The following PRMT2 variants were observed in gnomAD, a reference collection of about 807,000 sequenced individuals.
The protein encoded by PRMT2 is protein arginine methyltransferase 2, also known as protein arginine N-methyltransferase 2.
A neutral mutation model predicts 57.6 loss-of-function variants in PRMT2; 26 were observed. The observed-to-expected ratio is 0.45, with a 90% CI of 0.33 to 0.63. The LOEUF (loss-of-function observed/expected upper bound fraction) is 0.63. PRMT2 is among the 20% of genes least tolerant of loss of function. PRMT2 has a pLI of 0.02. For synonymous variants in PRMT2, 219 were observed against 220.0 expected, an observed-to-expected ratio of 1.00 and a Z score of 0.04; for missense variants, 472 against 564.4, an observed-to-expected ratio of 0.84 and a Z score of 1.66.
chr21:46,661,966 CG>C, intron 10 of PRMT2, 30 bp downstream of exon 10: 1 of 132,632 alleles, frequency 7.5e-6, no homozygotes, highest in Non-Finnish European at 1.2e-5. Flanking sequence ...GCACGGGGTG[CG>C]GGGTGGGGGG....
rs1333385774 is a variant in PRMT2, at chr21:46,661,940, A to G, written c.1097+4A>G. The stretch of plus-strand genomic sequence containing the variant: ...TCAGCACCGGGCCCTTCCACCCGTG[A>G]GTGTGCGGGGCGCGGGCACGGGGTG... On this transcript the variant is annotated splice_donor_region_variant and intron_variant, in intron 10 of 11. Coordinates refer to ENST00000355680, the MANE Select transcript of PRMT2 (RefSeq NM_206962.4). The G allele has an allele frequency of 3.4e-6, 3 of 871,538 alleles. No homozygotes were observed. Among genetic ancestry groups the G allele is most frequent in the Non-Finnish European group, 4.4e-6 (3 of 688,174 alleles). The allele number at this position is 871,538 out of a possible 1,614,324, so 54.0% of individuals were successfully genotyped here. A position where few individuals can be genotyped will look rare whatever the true frequency, so the allele number is the denominator to read the frequency against.
At chr21:46,654,047 G>A in intron 7 of PRMT2, 1 of 987,616 alleles carries the variant, frequency 1.0e-6, no homozygotes, top group Non-Finnish European at 1.2e-6. Flanking sequence ...CGGGGGAGGA[G>A]GAAGGAGGAG....
intron 7 of PRMT2, among the ~76,000 whole-genome samples, chr21:46,654,633 A>G (rs1158211862): frequency 6.6e-6 from 1 of 152,264 alleles, no homozygotes; most frequent in Non-Finnish European, 1.5e-5. Flanking sequence ...AAAAATAACA[A>G]TACAACAATA....
chr21:46,659,404 C>T lies in PRMT2; in HGVS notation c.830+484C>T, dbSNP rs914031066. ...TATGTGGCAGAAATCAGCAAAAACA[C>T]GATTGTAAAAGCAAACAAGTAATTA... On this transcript the variant is annotated intron_variant, in intron 8 of 11. Transcript: ENST00000355680. 4.1e-5 allele frequency: 40 copies of T among 985,614 alleles called. No homozygotes were observed. In the East Asian group the frequency reaches 7.9e-4, roughly 20 times the overall value. 61.1% of individuals were successfully genotyped at this position (985,614 alleles called of 1,614,324 possible).
At chr21:46,663,644 C>A in intron 11 of PRMT2, 90 bp downstream of exon 11, 2 of 1,373,192 alleles carry the variant, frequency 1.5e-6, no homozygotes, top group South Asian at 1.3e-5. Context: ...AGATGCTGGC[C>A]CACACTGGGG....
At chr21:46,653,146 C>T (rs961862415) in intron 7 of PRMT2, 1 of 985,282 alleles carries the variant, frequency 1.0e-6, no homozygotes, top group African/African-American at 1.7e-5. Flanking sequence ...ACCAAAATTA[C>T]AACCACATTA....
intron 3 of PRMT2, among the ~76,000 whole-genome samples, chr21:46,637,405 T>C (rs1274026306): frequency 6.6e-6 from 1 of 152,220 alleles, no homozygotes; most frequent in Non-Finnish European, 1.5e-5. Context: ...TTCGTTCAAG[T>C]TAGCAGTAAA....
chr21:46,647,931 A>C (rs2061389825), intron 5 of PRMT2, among the ~76,000 whole-genome samples: 1 of 151,136 alleles, frequency 6.6e-6, no homozygotes. Flanking sequence ...CCATCACTGC[A>C]CCTTTGTAGG....
In PRMT2 at chr21:46,661,871, C is replaced by T. The variant is rs775674424; in HGVS notation, c.1032C>T (p.Ser344=). The T allele has an allele frequency of 4.0e-6, 6 of 1,511,048 alleles. No homozygotes were observed. The highest frequency in any genetic ancestry group is 4.0e-5 in the Admixed American group (2 of 50,252). 93.6% of individuals were successfully genotyped at this position (1,511,048 alleles called of 1,614,324 possible). The change falls in exon 10 of 12, where the codon AGC becomes AGT. Residue 344 remains serine (S), a synonymous_variant. Transcript: ENST00000355680. ...GTLHGFTAWF[S]VHFQSLQEGQ... ...TGCACGGCTTCACGGCCTGGTTTAGCGTCCACTTCCAGAGCCTGCAGGAGG... is the reference window on the plus strand; with the variant it reads ...TGCACGGCTTCACGGCCTGGTTTAGTGTCCACTTCCAGAGCCTGCAGGAGG...
At chr21:46,641,631 G>A (rs2148965848) in intron 3 of PRMT2, among the ~76,000 whole-genome samples, 1 of 152,284 alleles carries the variant, frequency 6.6e-6, no homozygotes, top group South Asian at 2.1e-4. Flanking sequence ...GGTGGAGGTT[G>A]CAGTGAGCCG....
intron 7 of PRMT2, chr21:46,651,815 C>G: frequency 1.2e-6 from 2 of 1,613,032 alleles, no homozygotes; most frequent in Non-Finnish European, 1.7e-6. Context: ...GGCTGCGCCT[C>G]TCCTGAGCTG....
chr21:46,639,164 TTCTTATTTAATTTTGCTTTGA>T (rs2061225238), intron 3 of PRMT2, among the ~76,000 whole-genome samples: 1 of 152,220 alleles, frequency 6.6e-6, no homozygotes. Context: ...ATTTTACTTT[TTCTTATTTAATTTTGCTTTGA>T]TTACATTGGT....
Position 46,664,579 on chromosome 21 carries a change from G to A in PRMT2, c.*252G>A, listed in dbSNP as rs551871361. On this transcript the variant is annotated 3_prime_UTR_variant, in exon 12 of 12. Transcript: ENST00000355680. Reference sequence around the variant, plus strand: ...CTAGAAGTAGGCTGTGTTTCCAGGTGTTCACCCGTGGTGCCCACAGTGCCG... The same window carrying A: ...CTAGAAGTAGGCTGTGTTTCCAGGTATTCACCCGTGGTGCCCACAGTGCCG... The A allele has an allele frequency of 1.3e-4, 76 of 579,596 alleles. No homozygotes were observed. In the Middle Eastern group the frequency reaches 4.2e-3, roughly 32 times the overall value. 35.9% of individuals were successfully genotyped at this position (579,596 alleles called of 1,614,324 possible).
At chr21:46,652,870 C>G in intron 7 of PRMT2, 1 of 1,302,222 alleles carries the variant, frequency 7.7e-7, no homozygotes, top group Non-Finnish European at 1.0e-6. Context: ...GCTTGTTCTC[C>G]TGAGGCCACG....
rs762158797 is a variant in PRMT2, at chr21:46,649,751, C to T, written c.654+12C>T. The T allele has an allele frequency of 4.2e-5, 68 of 1,610,178 alleles. No individual in the cohort carries two copies. In the East Asian group the frequency reaches 9.6e-4, roughly 23 times the overall value. On this transcript the variant is annotated intron_variant, in intron 7 of 11. Coordinates refer to ENST00000355680, the MANE Select transcript of PRMT2 (RefSeq NM_206962.4). This position sits in a 1 kb window ranked among gnomAD's most constrained non-coding sequence, Gnocchi z 4.8. ...GGACCTGCCTGCTGGTGAGGGCGGGCGTGCGGGCAGCTGGGGGCCGGAGCT... is the reference window on the plus strand; with the variant it reads ...GGACCTGCCTGCTGGTGAGGGCGGGTGTGCGGGCAGCTGGGGGCCGGAGCT...
At position 46,656,104 on chromosome 21, in the gene PRMT2, C is replaced by T. The variant is rs76732045; in HGVS notation, c.655-2641C>T. Among the ~76,000 whole-genome samples the T allele has an allele frequency of 8.4e-3, 1,279 of 152,222 alleles. 14 individuals carry two copies. Among genetic ancestry groups the T allele is most frequent in the African/African-American group, 0.028 (1,156 of 41,530 alleles). ...TCATGAATAGATGAATGCCCTTCCT[C>T]GTGGGTAGATAAGTGAGTTCTAGCT... On this transcript the variant is annotated intron_variant, in intron 7 of 11. Transcript: ENST00000355680.
rs1486123556 is a variant in PRMT2 at position 46,648,776 on chromosome 21, G to A, written c.489+157G>A. Among the ~76,000 whole-genome samples the A allele has an allele frequency of 1.3e-5, 2 of 152,210 alleles. No homozygotes were observed. The highest frequency in any genetic ancestry group is 2.9e-5 in the Non-Finnish European group (2 of 68,030). On this transcript the variant is annotated intron_variant, in intron 6 of 11. Coordinates refer to ENST00000355680, the MANE Select transcript of PRMT2 (RefSeq NM_206962.4). This position sits in a 1 kb window ranked among gnomAD's most constrained non-coding sequence, Gnocchi z 4.8. ...ACCCTGCACGTGGGGCTCAGGGTCG[G>A]TAAAATAGCAGTGCGTGGAGACCGC...
rs751871751 is a variant in PRMT2, at chr21:46,643,619, G to A, written c.124G>A (p.Ala42Thr). ...PEEFVAIADYAATDETQLSFL... is the reference protein window; with the variant it reads ...PEEFVAIADYTATDETQLSFL... ...GGAGTTTGTGGCCATCGCGGACTAC[G>A]CTGCCACCGATGAGACCCAGGTAGC... Residue 42 changes from alanine to threonine, a missense_variant, in exon 4 of 12, where the codon GCT becomes ACT. Transcript: ENST00000355680. The A allele has an allele frequency of 1.4e-5, 23 of 1,609,676 alleles. 1 individual carries two copies. The Middle Eastern group carries it at 9.1e-4, about 63-fold the overall frequency.
In PRMT2 at chr21:46,662,977, TG is replaced by T. The variant is rs2061653447; in HGVS notation, c.1098-404del. On this transcript the variant is annotated intron_variant, in intron 10 of 11. Coordinates refer to ENST00000355680, the MANE Select transcript of PRMT2 (RefSeq NM_206962.4). Reference sequence around the variant, plus strand: ...GGAAGGGGTTGCACAGCCGTCCTCCTGGCGGGCCGGGGAGTCGACACCACAC... The same window carrying T: ...GGAAGGGGTTGCACAGCCGTCCTCCTGCGGGCCGGGGAGTCGACACCACAC... Among the ~76,000 whole-genome samples, 2 of 152,128 alleles carry T rather than the reference TG, an allele frequency of 1.3e-5. 1 individual carries two copies. Among genetic ancestry groups the T allele is most frequent in the Admixed American group, 1.3e-4 (2 of 15,270 alleles).
Sources: gnomAD v4.1 joint callset for allele counts (sites outside exome capture counted in the v4.1 genomes callset) on GRCh38, gnomAD v4.1.1 for gene constraint, Gnocchi (gnomAD v3.1) non-coding constraint, MANE v1.5 for transcripts, NCBI Gene and HGNC (gene_info 2026-07-23, HGNC 2026-07-21) for gene names.